The following RMDN1 variants were observed in gnomAD, a reference collection of about 807,000 sequenced individuals.
The protein encoded by RMDN1 is regulator of microtubule dynamics protein 1.
RMDN1 carries 48 observed loss-of-function variants against 48.9 expected under a neutral mutation model. That is an observed-to-expected ratio of 0.98 (90% CI 0.78 to 1.25). The LOEUF (loss-of-function observed/expected upper bound fraction) is 1.25. Ranked by LOEUF, RMDN1 falls within the 50% of genes most tolerant of loss-of-function variation. RMDN1 has a pLI of 0.00. For synonymous variants in RMDN1, 148 were observed against 132.6 expected (o/e 1.12, Z -0.80); for missense variants, 418 against 373.4 (o/e 1.12, Z -0.98).
chr8:86,491,104 T>A (rs577571368), intron 2 of RMDN1, among the ~76,000 whole-genome samples: 1 of 151,920 alleles, frequency 6.6e-6, no homozygotes, highest in Non-Finnish European at 1.5e-5. Flanking sequence ...TAAGCTATAA[T>A]ATAATGGCTT....
At chr8:86,508,096 G>A (rs28438974) in intron 1 of RMDN1, 27,764 of 179,226 alleles carry the variant, frequency 0.15, 2,335 homozygotes, top group Non-Finnish European at 0.18. Context: ...CTGAGTCGTA[G>A]AACTTTTTAA....
rs369392601 is a variant in RMDN1 at position 86,474,960 on chromosome 8, A to G, written c.761-7T>C. ...CTGTAGAAGTTTGGATCCACTGCAC[A>G]TAAGAAAGAAAAAATGATCTCAGAG... On this transcript the variant is annotated splice_region_variant and splice_polypyrimidine_tract_variant and intron_variant, in intron 8 of 9. Transcript: ENST00000406452. The G allele has an allele frequency of 3.2e-6, 5 of 1,583,594 alleles. No homozygotes were observed. The East Asian group carries it at 9.0e-5, about 28-fold the overall frequency.
intron 2 of RMDN1, chr8:86,505,481 G>GT (rs1441344986): frequency 2.2e-5 from 9 of 404,906 alleles, no homozygotes; most frequent in Non-Finnish European, 4.7e-5. Context: ...CGGGGTTTAT[G>GT]TAAGAGCACC....
intron 5 of RMDN1, chr8:86,482,721 A>C: frequency 2.0e-6 from 2 of 1,007,870 alleles, no homozygotes; most frequent in Admixed American, 1.7e-5. Flanking sequence ...TGTCGGTTCC[A>C]TCACAATGTG....
chr8:86,483,731 A>G (rs1272288613), intron 5 of RMDN1, among the ~76,000 whole-genome samples: 15 of 152,156 alleles, frequency 9.9e-5, no homozygotes, highest in Non-Finnish European at 8.8e-5. Context: ...AACTATTTAA[A>G]TAGCAAATTC....
At position 86,473,854 on chromosome 8, in the gene RMDN1, T is replaced by C; in HGVS notation, c.*454A>G. 4 of 988,832 alleles carry C rather than the reference T, an allele frequency of 4.0e-6. No homozygotes were observed. Among genetic ancestry groups the C allele is most frequent in the Non-Finnish European group, 4.8e-6 (4 of 832,220 alleles). 61.3% of individuals were successfully genotyped at this position (988,832 alleles called of 1,614,324 possible). A position where few individuals can be genotyped will look rare whatever the true frequency, so the allele number is the denominator to read the frequency against. On this transcript the variant is annotated 3_prime_UTR_variant, in exon 10 of 10. Coordinates refer to ENST00000406452, the MANE Select transcript of RMDN1 (RefSeq NM_016033.3). ...CAGGTTAGCTCCAAGATATATCATTTAACTACTTTATGTCAGGAACCCACA... is the reference window on the plus strand; with the variant it reads ...CAGGTTAGCTCCAAGATATATCATTCAACTACTTTATGTCAGGAACCCACA...
chr8:86,470,476 C>T, downstream of RMDN1: 1 of 1,186,528 alleles, frequency 8.4e-7, no homozygotes, highest in African/African-American at 1.6e-5. Context: ...CCATGTCTTG[C>T]AGAAGAAACC....
Position 86,473,501 on chromosome 8 carries a change from C to T in RMDN1, c.*807G>A. ...AGTAAACTGGCCAGGTGCGGTGGCT[C>T]ACGCCTGTAATCCCAGCAATTTGGG... On this transcript the variant is annotated 3_prime_UTR_variant, in exon 10 of 10. Transcript: ENST00000406452. 1.0e-6 allele frequency: 1 copy of T among 983,500 alleles called. No homozygotes were observed. The highest frequency in any genetic ancestry group is 1.2e-6 in the Non-Finnish European group (1 of 828,182). The allele number at this position is 983,500 out of a possible 1,614,324, so 60.9% of individuals were successfully genotyped here.
At chr8:86,483,063 C>T in intron 5 of RMDN1, 1 of 465,490 alleles carries the variant, frequency 2.1e-6, no homozygotes, top group Non-Finnish European at 3.8e-6. Flanking sequence ...GAGAGGGGTA[C>T]TTTCAAGCAA....
Position 86,475,013 on chromosome 8 carries a change from GT to G in RMDN1, c.761-61del, listed in dbSNP as rs1242201529. The G allele has an allele frequency of 4.1e-6, 6 of 1,445,934 alleles. No individual in the cohort carries two copies. The East Asian group carries it at 1.4e-4, about 34-fold the overall frequency. The allele number at this position is 1,445,934 out of a possible 1,614,324, so 89.6% of individuals were successfully genotyped here. ...AACAGTGTTGCTTTTATTTTTAAAG[GT>G]TTGTTTCTGAGGTCTAAATTTCAAT... On this transcript the variant is annotated intron_variant, in intron 8 of 9. Transcript: ENST00000406452.
At position 86,508,515 on chromosome 8, in the gene RMDN1, G is replaced by A. The variant is rs1819781725; in HGVS notation, c.106C>T (p.Pro36Ser). The change falls in exon 1 of 10, where the codon CCC becomes TCC. Residue 36 changes from proline to serine, a missense_variant. Coordinates refer to ENST00000406452, the MANE Select transcript of RMDN1 (RefSeq NM_016033.3). ...GTSGSRGHCGPCRFRGFEVMG... is the reference protein window; with the variant it reads ...GTSGSRGHCGSCRFRGFEVMG... ...ACCTCGAAGCCGCGGAATCGACAGG[G>A]GCCGCAATGCCCGCGGCTGCCCGAA... 1.9e-6 allele frequency: 3 copies of A among 1,561,532 alleles called. No homozygotes were observed. Among genetic ancestry groups the A allele is most frequent in the African/African-American group, 1.4e-5 (1 of 73,782 alleles).
chr8:86,479,071 AC>A (rs1234484101), intron 6 of RMDN1, 61 bp from the exon 7 acceptor site: 1 of 1,231,828 alleles, frequency 8.1e-7, no homozygotes, highest in Non-Finnish European at 1.2e-6. Flanking sequence ...CTTAAAGTTA[AC>A]TAAGCATCTT....
intron 4 of RMDN1, among the ~76,000 whole-genome samples, chr8:86,485,423 T>TAAAAC (rs902195200): frequency 4.6e-4 from 70 of 152,162 alleles, no homozygotes; most frequent in African/African-American, 1.2e-3. Context: ...AGACTATGTC[T>TAAAAC]AAAACAAAAC....
intron 3 of RMDN1, among the ~76,000 whole-genome samples, chr8:86,487,033 A>G (rs901277027): frequency 6.6e-6 from 1 of 152,234 alleles, no homozygotes; most frequent in African/African-American, 2.4e-5. Flanking sequence ...CATAAATTTT[A>G]TAGACAGGGT....
chr8:86,478,710 C>T, intron 7 of RMDN1: 1 of 515,562 alleles, frequency 1.9e-6, no homozygotes, highest in Non-Finnish European at 3.4e-6. Context: ...GACAGTATTC[C>T]AGAATTACCA....
chr8:86,482,826 TG>T (rs34980071), intron 5 of RMDN1: 1 of 1,084,160 alleles, frequency 9.2e-7, no homozygotes, highest in East Asian at 2.4e-5. Flanking sequence ...AGCCATCCTT[TG>T]GGGAGGTCAC....
At chr8:86,499,250 C>G (rs1353095178) in intron 2 of RMDN1, among the ~76,000 whole-genome samples, 1 of 152,032 alleles carries the variant, frequency 6.6e-6, no homozygotes, top group East Asian at 1.9e-4. Context: ...GAAAGGCATC[C>G]AAATAGAAAG....
rs185187473 is a variant in RMDN1 at position 86,477,534 on chromosome 8, C to G, written c.730-210G>C. 128 of 428,916 alleles carry G rather than the reference C, an allele frequency of 3.0e-4. 2 individuals are homozygous for G. In the East Asian group the frequency reaches 3.8e-3, roughly 13 times the overall value. 26.6% of individuals were successfully genotyped at this position (428,916 alleles called of 1,614,324 possible). ...CAAGATTACAATATATGGACTACTT[C>G]TGGTAATAACTTGGTTGCTGTTTAG... On this transcript the variant is annotated intron_variant, in intron 7 of 9. Coordinates refer to ENST00000406452, the MANE Select transcript of RMDN1 (RefSeq NM_016033.3).
chr8:86,475,256 G>A (rs928811600), intron 8 of RMDN1, among the ~76,000 whole-genome samples: 7 of 152,144 alleles, frequency 4.6e-5, no homozygotes, highest in African/African-American at 1.7e-4. Flanking sequence ...TAGAATGTAT[G>A]CTATTTGAGG....
Sources: allele counts gnomAD v4.1 joint callset (sites outside exome capture counted in the v4.1 genomes callset), GRCh38; gene constraint gnomAD v4.1.1; transcripts MANE v1.5; gene names NCBI Gene and HGNC (gene_info 2026-07-23, HGNC 2026-07-21).